The following MYH9 variants were observed in gnomAD, a reference collection of about 807,000 sequenced individuals.
The protein encoded by MYH9 is myosin-9.
MYH9 carries 29 observed loss-of-function variants against 241.9 expected under a neutral mutation model. The observed-to-expected ratio is 0.12, with a 90% CI of 0.09 to 0.16. The LOEUF (loss-of-function observed/expected upper bound fraction) is 0.16, where lower values mean the gene tolerates loss of function less well. Ranked by LOEUF, MYH9 falls within the 10% of genes least tolerant of loss-of-function variation. The probability of loss-of-function intolerance (pLI) is 1.00; values close to 1 mark genes in which losing one functional copy is unlikely to be tolerated. For synonymous variants in MYH9, 1,047 were observed against 1,062.6 expected (o/e 0.99, Z 0.29); for missense variants, 1,803 against 2,595.5 (o/e 0.69, Z 6.63).
intron 31 of MYH9, among the ~76,000 whole-genome samples, chr22:36,290,487 C>T (rs970135648): frequency 2.0e-5 from 3 of 152,294 alleles, no homozygotes; most frequent in East Asian, 1.9e-4. Context: ...GGCGTGATCT[C>T]GGCTTGCTAC....
Position 36,320,073 on chromosome 22 carries a change from GAATCATT to G in MYH9, c.1012+140_1012+146del. ...AATAACCTTGAACCTCAAATCTGAG[GAATCATT>G]TTCCCATACACTGAAGGCCTTCCCC... On this transcript the variant is annotated intron_variant, in intron 9 of 40. Coordinates refer to ENST00000216181, the MANE Select transcript of MYH9 (RefSeq NM_002473.6). This position sits in a 1 kb window ranked among gnomAD's most constrained non-coding sequence, Gnocchi z 4.8. 1 of 1,095,368 alleles carries G rather than the reference GAATCATT, an allele frequency of 9.1e-7. No homozygotes were observed. Among genetic ancestry groups the G allele is most frequent in the Non-Finnish European group, 1.3e-6 (1 of 749,460 alleles). The allele number at this position is 1,095,368 out of a possible 1,614,324, so 67.9% of individuals were successfully genotyped here.
At position 36,345,169 on chromosome 22, in the gene MYH9, G is replaced by A. The variant is rs1034188257; in HGVS notation, c.334-3643C>T. ...CCACTAAAAATACAAAAAATTAGCC[G>A]GGTGTGGTAGTGGGTGCCTGTAGTC... On this transcript the variant is annotated intron_variant, in intron 2 of 40. Coordinates refer to ENST00000216181, the MANE Select transcript of MYH9 (RefSeq NM_002473.6). Among the ~76,000 whole-genome samples the A allele has an allele frequency of 5.3e-5, 8 of 152,092 alleles. 1 individual carries two copies. The highest frequency in any genetic ancestry group is 2.0e-4 in the Admixed American group (3 of 15,272).
chr22:36,302,270 G>C lies in MYH9; in HGVS notation c.2499+298C>G, dbSNP rs148632358. ...TATGTATTATACACAAAAGCAGCCC[G>C]GACAAGTTTAAAAATAAAGAGATTT... On this transcript the variant is annotated intron_variant, in intron 20 of 40. Transcript: ENST00000216181. 10 of 351,754 alleles carry C rather than the reference G, an allele frequency of 2.8e-5. 1 individual carries two copies. The highest frequency in any genetic ancestry group is 9.6e-4 in the Middle Eastern group (1 of 1,038). The allele number at this position is 351,754 out of a possible 1,614,324, so 21.8% of individuals were successfully genotyped here.
At position 36,293,969 on chromosome 22, in the gene MYH9, T is replaced by G; in HGVS notation, c.3838-106A>C. On this transcript the variant is annotated intron_variant, in intron 28 of 40. Transcript: ENST00000216181. The surrounding 1 kb of genome is among the most constrained non-coding windows in gnomAD (Gnocchi z 5.1). ...TGGACCTGAGTCACAAGCTGAACCA[T>G]GAGGGTCTGAGGAGCCAGTTTGAGA... 1 of 1,454,436 alleles carries G rather than the reference T, an allele frequency of 6.9e-7. No individual in the cohort carries two copies. Among genetic ancestry groups the G allele is most frequent in the Non-Finnish European group, 9.5e-7 (1 of 1,055,834 alleles). 90.1% of individuals were successfully genotyped at this position (1,454,436 alleles called of 1,614,324 possible).
At chr22:36,290,663 G>T (rs1161397599) in intron 31 of MYH9, among the ~76,000 whole-genome samples, 1 of 149,568 alleles carries the variant, frequency 6.7e-6, no homozygotes, top group East Asian at 2.0e-4. Context: ...GAAGGTGAGG[G>T]GTGTCTCTGC....
chr22:36,302,711 T>C lies in MYH9; in HGVS notation c.2391-35A>G, dbSNP rs567730558. ...GAGGAACATGGTCAGCGCGGAGCAG[T>C]GGACAGCAGACCCGACCTAACAGTC... is the stretch of plus-strand genomic sequence containing the variant. On this transcript the variant is annotated intron_variant, in intron 19 of 40. Coordinates refer to ENST00000216181, the MANE Select transcript of MYH9 (RefSeq NM_002473.6). 802 of 1,582,538 alleles carry C rather than the reference T, an allele frequency of 5.1e-4. 9 individuals are homozygous for C. The South Asian group carries it at 8.5e-3, about 17-fold the overall frequency.
In MYH9 at chr22:36,320,353, C is replaced by T. The variant is rs377539123; in HGVS notation, c.879G>A (p.Leu293=). Reference sequence around the variant, plus strand: ...AGCGGTATTTGTTGTACGGCTCCAACAGGAGATCGGCTGTAAGGGGTGGAG... The same window carrying T: ...AGCGGTATTTGTTGTACGGCTCCAATAGGAGATCGGCTGTAAGGGGTGGAG... ...GAGEHLKTDL[L]LEPYNKYRFL... The change falls in exon 9 of 41, where the codon CTG becomes CTA. Residue 293 remains leucine, a synonymous_variant. Coordinates refer to ENST00000216181, the MANE Select transcript of MYH9 (RefSeq NM_002473.6). The surrounding 1 kb of genome is among the most constrained non-coding windows in gnomAD (Gnocchi z 4.8). 7 of 1,613,710 alleles carry T rather than the reference C, an allele frequency of 4.3e-6. No individual in the cohort carries two copies. The African/African-American group carries it at 9.3e-5, about 22-fold the overall frequency.
At position 36,295,821 on chromosome 22, in the gene MYH9, TGTG is replaced by T; in HGVS notation, c.3273-107_3273-105del. 9.4e-7 allele frequency: 1 copy of T among 1,065,906 alleles called. No individual in the cohort carries two copies. The highest frequency in any genetic ancestry group is 1.4e-6 in the Non-Finnish European group (1 of 716,062). The allele number at this position is 1,065,906 out of a possible 1,614,324, so 66.0% of individuals were successfully genotyped here. A position where few individuals can be genotyped will look rare whatever the true frequency, so the allele number is the denominator to read the frequency against. On this transcript the variant is annotated intron_variant, in intron 25 of 40. Transcript: ENST00000216181. This position sits in a 1 kb window ranked among gnomAD's most constrained non-coding sequence, Gnocchi z 4.1. ...AGCTGCAGCAGCCAAAGCTGCCTCC[TGTG>T]GTCACAATCATGGCACTTAGGATGG...
Position 36,300,341 on chromosome 22 carries a change from C to G in MYH9, c.2839-77G>C. 8 of 1,593,300 alleles carry G rather than the reference C, an allele frequency of 5.0e-6. No homozygotes were observed. The South Asian group carries it at 8.8e-5, about 18-fold the overall frequency. On this transcript the variant is annotated intron_variant, in intron 22 of 40. Transcript: ENST00000216181. The surrounding 1 kb of genome is among the most constrained non-coding windows in gnomAD (Gnocchi z 5.0). ...AGGTGAAGGCAGCAAGGTCCGAAGG[C>G]CAGATCCAAACGCCAAGGAGAAAAT...
rs184459869 is a variant in MYH9, at chr22:36,343,896, A to T, written c.334-2370T>A. ...AAGCTTTGTTCCTGGACTTTGAGAA[A>T]ACCCACACTCTAGGAAATCCAGCCC... is the stretch of plus-strand genomic sequence containing the variant. On this transcript the variant is annotated intron_variant, in intron 2 of 40. Coordinates refer to ENST00000216181, the MANE Select transcript of MYH9 (RefSeq NM_002473.6). Among the ~76,000 whole-genome samples, 380 of 152,256 alleles carry T rather than the reference A, an allele frequency of 2.5e-3. 2 individuals carry two copies. The highest frequency in any genetic ancestry group is 8.2e-3 in the African/African-American group (339 of 41,536).
rs374003858 is a variant in MYH9 at position 36,295,122 on chromosome 22, C to T, written c.3486-46G>A. The T allele has an allele frequency of 3.2e-5, 51 of 1,613,340 alleles. No individual in the cohort carries two copies. The African/African-American group carries it at 5.1e-4, about 16-fold the overall frequency. ...AGAGTGGAGGCCGGGGATGCTGGAG[C>T]GAGGCTGTCCCTGGGGCTCTTCCCT... On this transcript the variant is annotated intron_variant, in intron 26 of 40. Coordinates refer to ENST00000216181, the MANE Select transcript of MYH9 (RefSeq NM_002473.6). This position sits in a 1 kb window ranked among gnomAD's most constrained non-coding sequence, Gnocchi z 4.1.
chr22:36,374,873 C>A (rs2294356), intron 1 of MYH9, among the ~76,000 whole-genome samples: 23,322 of 152,150 alleles, frequency 0.15, 2,193 homozygotes, highest in African/African-American at 0.26. Flanking sequence ...GCTCTGCCTG[C>A]GTCTGGGCAA....
At chr22:36,307,888 C>CA (rs1402314098) in intron 15 of MYH9, among the ~76,000 whole-genome samples, 285 of 104,866 alleles carry the variant, frequency 2.7e-3, no homozygotes, top group African/African-American at 3.9e-3. Context: ...AACTCTGTCT[C>CA]AAAAAAAAAA....
rs1430639808 is a variant in MYH9 at position 36,282,065 on chromosome 22, T to C, written c.*603A>G. 4.2e-6 allele frequency: 1 copy of C among 236,436 alleles called. No homozygotes were observed. Among genetic ancestry groups the C allele is most frequent in the East Asian group, 6.0e-5 (1 of 16,544 alleles). The allele number at this position is 236,436 out of a possible 1,614,324, so 14.6% of individuals were successfully genotyped here. ...CTGCCTGGGACAGGGTGGGGAGGAA[T>C]CCACTCCTCCCCCCACCCCAGCCTT... On this transcript the variant is annotated 3_prime_UTR_variant, in exon 41 of 41. Transcript: ENST00000216181.
At position 36,321,819 on chromosome 22, in the gene MYH9, G is replaced by A. The variant is rs754650591; in HGVS notation, c.708C>T (p.Gly236=). The A allele has an allele frequency of 5.0e-6, 8 of 1,613,926 alleles. No individual in the cohort carries two copies. The East Asian group carries it at 8.9e-5, about 18-fold the overall frequency. Residue 236 remains glycine (G), a splice_region_variant and synonymous_variant, in exon 7 of 41, where the codon GGC becomes GGT. Transcript: ENST00000216181. ...CATCAAAGTTGATGCGAATGAATTT[G>A]CCCTAAGTAAGAAAGGATAGCAAGA... is the stretch of plus-strand genomic sequence containing the variant. ...TVKNDNSSRF[G]KFIRINFDVN...
chr22:36,313,528 A>T (rs1009538493), intron 13 of MYH9, among the ~76,000 whole-genome samples: 15 of 151,248 alleles, frequency 9.9e-5, no homozygotes, highest in African/African-American at 3.6e-4. Flanking sequence ...TCATACCCTC[A>T]ACAAGCCTAA....
In MYH9 at chr22:36,285,220, T is replaced by G; in HGVS notation, c.5384A>C (p.Gln1795Pro). Reference protein sequence around the residue: ...RQNKELKVKLQEMEGTVKSKY... With the variant: ...RQNKELKVKLPEMEGTVKSKY... ...GGACTTGACAGTGCCCTCCATCTCC[T>G]GCAGCTTGACCTTAAGCTCCTTGTT... Residue 1795 changes from glutamine (Q) to proline (P), a missense_variant, in exon 38 of 41, where the codon CAG (glutamine) becomes CCG (proline). Physicochemically the swap from Gln to Pro is moderately conservative, Grantham distance 76. Around this residue, in one of 11 missense-constraint regions of MYH9, gnomAD observed 876 missense variants for 1,077.8 expected, o/e 0.81. Coordinates refer to ENST00000216181, the MANE Select transcript of MYH9 (RefSeq NM_002473.6). The surrounding 1 kb of genome is among the most constrained non-coding windows in gnomAD (Gnocchi z 7.0). The G allele has an allele frequency of 6.2e-7, 1 of 1,614,236 alleles. No homozygotes were observed. The highest frequency in any genetic ancestry group is 8.5e-7 in the Non-Finnish European group (1 of 1,180,042).
At chr22:36,325,301 C>T (rs893890228) in intron 5 of MYH9, among the ~76,000 whole-genome samples, 2 of 152,176 alleles carry the variant, frequency 1.3e-5, no homozygotes, top group African/African-American at 4.8e-5. Context: ...ACTTTTGGTT[C>T]GGTTCCAGAA....
At chr22:36,387,148 CG>C (rs1569537493) in intron 1 of MYH9, among the ~76,000 whole-genome samples, 1 of 152,218 alleles carries the variant, frequency 6.6e-6, no homozygotes, top group African/African-American at 2.4e-5. Flanking sequence ...CCCCCTTGTC[CG>C]GGCAGCCGCC....
Sources: allele counts gnomAD v4.1 joint callset (sites outside exome capture counted in the v4.1 genomes callset), GRCh38; gene constraint gnomAD v4.1.1; regional missense constraint gnomAD v4.1.1; non-coding constraint Gnocchi (gnomAD v3.1); transcripts MANE v1.5; gene names NCBI Gene and HGNC (gene_info 2026-07-23, HGNC 2026-07-21).